RRP9: variants seen among roughly 807,000 people sequenced by gnomAD.
RRP9 encodes ribosomal RNA processing 9, U3 small nucleolar RNA binding protein, also known as U3 small nucleolar RNA-interacting protein 2.
RRP9 carries 35 observed loss-of-function variants against 65.5 expected under a neutral mutation model. The observed-to-expected ratio is 0.53, with a 90% confidence interval of 0.41 to 0.71. The LOEUF is 0.71. RRP9 is among the 30% of genes least tolerant of loss of function. RRP9 has a pLI of 0.00. For missense variants in RRP9, 533 were observed against 633.6 expected (o/e 0.84, Z 1.70); for synonymous variants, 254 against 245.0 (o/e 1.04, Z -0.34).
At chr3:51,941,553 G>GC (rs5848937) in intron 1 of RRP9, 62 bp from the exon 2 acceptor site, 36,584 of 1,266,952 alleles carry the variant, frequency 0.029, 343 homozygotes, top group African/African-American at 0.11. Flanking sequence ...TTGACCAAGG[G>GC]CCCCCCCCCC....
In RRP9 at chr3:51,938,122, G is replaced by A. The variant is rs1699479489; in HGVS notation, c.253C>T (p.Leu85Phe). ...TGCTGACGGAGCTGCTCTAGGTAGA[G>A]CTTGGCCAAGCGCAGCTTCTTTTCC... ...AQEKKLRLAKLYLEQLRQQEE... is the reference protein window; with the variant it reads ...AQEKKLRLAKFYLEQLRQQEE... The change falls in exon 3 of 15, where the codon CTC becomes TTC. Residue 85 changes from leucine (L) to phenylalanine (F), a missense_variant. By Grantham distance (22) the Leu-to-Phe change is conservative. Around this residue, in one of 3 missense-constraint regions of RRP9, gnomAD observed 449 missense variants for 550.6 expected, o/e 0.82. Transcript: ENST00000232888. 4.4e-6 allele frequency: 7 copies of A among 1,608,876 alleles called. No homozygotes were observed. The highest frequency in any genetic ancestry group is 5.9e-6 in the Non-Finnish European group (7 of 1,179,432).
rs1440148307 is a variant in RRP9, at chr3:51,934,465, C to T, written c.1260+7G>A. 6.8e-6 allele frequency: 11 copies of T among 1,611,492 alleles called. No homozygotes were observed. Among genetic ancestry groups the T allele is most frequent in the Non-Finnish European group, 8.5e-6 (10 of 1,178,584 alleles). On this transcript the variant is annotated splice_region_variant and intron_variant, in intron 13 of 14. Transcript: ENST00000232888. The surrounding 1 kb of genome is among the most constrained non-coding windows in gnomAD (Gnocchi z 4.1). The stretch of plus-strand genomic sequence containing the variant: ...GACAGGCTGAGCATTCAAGCACACT[C>T]ACTCACCAGGGGGATGTCACAGAGA...
rs1699427053 is a variant in RRP9 at position 51,934,385 on chromosome 3, G to A, written c.1260+87C>T. On this transcript the variant is annotated intron_variant, in intron 13 of 14. Transcript: ENST00000232888. The surrounding 1 kb of genome is among the most constrained non-coding windows in gnomAD (Gnocchi z 4.1). ...CCCTGCCCTGAGAAGGTTCCCTTCT[G>A]GCAGGAAGAAAGACCTTAAAGAGCT... The A allele has an allele frequency of 1.4e-6, 2 of 1,389,150 alleles. No individual in the cohort carries two copies. Among genetic ancestry groups the A allele is most frequent in the Non-Finnish European group, 9.8e-7 (1 of 1,015,666 alleles). The allele number at this position is 1,389,150 out of a possible 1,614,324, so 86.1% of individuals were successfully genotyped here. A position where few individuals can be genotyped will look rare whatever the true frequency, so the allele number is the denominator to read the frequency against.
chr3:51,940,566 T>G (rs1699510034), intron 2 of RRP9, among the ~76,000 whole-genome samples: 1 of 152,112 alleles, frequency 6.6e-6, no homozygotes, highest in Non-Finnish European at 1.5e-5. Context: ...TCACCCAGAC[T>G]GGAGAGCAGT....
At chr3:51,938,286 T>G in intron 2 of RRP9, 82 bp from the exon 3 acceptor site, 1 of 1,044,074 alleles carries the variant, frequency 9.6e-7, no homozygotes, top group Non-Finnish European at 1.4e-6. Context: ...ATGCTCACCT[T>G]GCCATCCAAC....
chr3:51,940,380 C>G (rs1180122643), intron 2 of RRP9, among the ~76,000 whole-genome samples: 2 of 152,144 alleles, frequency 1.3e-5, no homozygotes, highest in Non-Finnish European at 2.9e-5. Context: ...CCAAGAGCCT[C>G]CAACCCACAG....
In RRP9 at chr3:51,937,362, G is replaced by A; in HGVS notation, c.391-44C>T. 1.2e-6 allele frequency: 2 copies of A among 1,613,004 alleles called. No individual in the cohort carries two copies. Among genetic ancestry groups the A allele is most frequent in the Non-Finnish European group, 1.7e-6 (2 of 1,179,590 alleles). On this transcript the variant is annotated intron_variant, in intron 5 of 14. Coordinates refer to ENST00000232888, the MANE Select transcript of RRP9 (RefSeq NM_004704.5). This position sits in a 1 kb window ranked among gnomAD's most constrained non-coding sequence, Gnocchi z 5.0. ...GGTCACTGTGGCTAGTGGCATAAAGGCACTACCTTCACCAACCCCACTGCG... is the reference window on the plus strand; with the variant it reads ...GGTCACTGTGGCTAGTGGCATAAAGACACTACCTTCACCAACCCCACTGCG...
chr3:51,937,829 T>C lies in RRP9; in HGVS notation c.281-93A>G. 1.4e-6 allele frequency: 2 copies of C among 1,461,978 alleles called. No individual in the cohort carries two copies. Among genetic ancestry groups the C allele is most frequent in the Admixed American group, 3.7e-5 (2 of 54,596 alleles). 90.6% of individuals were successfully genotyped at this position (1,461,978 alleles called of 1,614,324 possible). On this transcript the variant is annotated intron_variant, in intron 3 of 14. Coordinates refer to ENST00000232888, the MANE Select transcript of RRP9 (RefSeq NM_004704.5). The surrounding 1 kb of genome is among the most constrained non-coding windows in gnomAD (Gnocchi z 5.0). ...ATCCCACTGCCCCAGGGCTGGATAA[T>C]GCAGGAAGCTCCAGCTGCCTCAGCA...
In RRP9 at chr3:51,937,158, T is replaced by A. The variant is rs776487660; in HGVS notation, c.517+34A>T. 1 of 1,609,292 alleles carries A rather than the reference T, an allele frequency of 6.2e-7. No individual in the cohort carries two copies. The highest frequency in any genetic ancestry group is 8.5e-7 in the Non-Finnish European group (1 of 1,177,642). ...CTGACCAGCCCTCCCGGATCCGCCA[T>A]GGGGGCTCCAGCCCCACCCAGGCAC... On this transcript the variant is annotated intron_variant, in intron 6 of 14. Coordinates refer to ENST00000232888, the MANE Select transcript of RRP9 (RefSeq NM_004704.5). The surrounding 1 kb of genome is among the most constrained non-coding windows in gnomAD (Gnocchi z 5.0).
At position 51,937,496 on chromosome 3, in the gene RRP9, G is replaced by A; in HGVS notation, c.390+49C>T. 1 of 1,613,260 alleles carries A rather than the reference G, an allele frequency of 6.2e-7. No individual in the cohort carries two copies. The highest frequency in any genetic ancestry group is 8.5e-7 in the Non-Finnish European group (1 of 1,179,288). On this transcript the variant is annotated intron_variant, in intron 5 of 14. Coordinates refer to ENST00000232888, the MANE Select transcript of RRP9 (RefSeq NM_004704.5). The surrounding 1 kb of genome is among the most constrained non-coding windows in gnomAD (Gnocchi z 5.0). ...CCAAGTGTCCACCATGTTCCAAGTGGGGCCCCCAATTCCCTCCAACCTTAT... is the reference window on the plus strand; with the variant it reads ...CCAAGTGTCCACCATGTTCCAAGTGAGGCCCCCAATTCCCTCCAACCTTAT...
Position 51,933,521 on chromosome 3 carries a change from T to TG in RRP9, c.1412dup (p.Ala472SerfsTer25). ...GATAAGAGTGTCAGGAACCAGCAGC[T>TG]GGGGGTACAGGGACCCTGCGGAGTG... On this transcript the variant is annotated frameshift_variant, in exon 15 of 15. Transcript: ENST00000232888. LOFTEE classifies it high-confidence loss of function. 6.2e-7 allele frequency: 1 copy of TG among 1,613,814 alleles called. No homozygotes were observed. Among genetic ancestry groups the TG allele is most frequent in the Non-Finnish European group, 8.5e-7 (1 of 1,179,828 alleles).
In RRP9 at chr3:51,938,141, C is replaced by A; in HGVS notation, c.234G>T (p.Lys78Asn). 2 of 1,607,948 alleles carry A rather than the reference C, an allele frequency of 1.2e-6. No homozygotes were observed. Among genetic ancestry groups the A allele is most frequent in the Non-Finnish European group, 1.7e-6 (2 of 1,178,842 alleles). The change falls in exon 3 of 15, where the codon AAG becomes AAT. Residue 78 changes from lysine (K) to asparagine (N), a missense_variant. Physicochemically the swap from Lys to Asn is moderately conservative, Grantham distance 94 (BLOSUM62 0). Coordinates refer to ENST00000232888, the MANE Select transcript of RRP9 (RefSeq NM_004704.5). ...GGTAGAGCTTGGCCAAGCGCAGCTT[C>A]TTTTCCTGTGCAGTTTCCTCCAGCT... The part of the protein sequence containing the change: ...EEELEETAQE[K>N]KLRLAKLYLE...
intron 14 of RRP9, 40 bp downstream of exon 14, chr3:51,933,668 C>T: frequency 3.1e-6 from 5 of 1,612,428 alleles, no homozygotes; most frequent in Non-Finnish European, 4.2e-6. Flanking sequence ...AGCTGTCCAG[C>T]CTGCACCACC....
chr3:51,941,563 C>CA, intron 1 of RRP9, 72 bp from the exon 2 acceptor site: 1 of 1,395,676 alleles, frequency 7.2e-7, no homozygotes, highest in Non-Finnish European at 1.0e-6. Context: ...GCCCCCCCCC[C>CA]TCGGTTCCCT....
At chr3:51,935,315 C>G (rs199618048) in intron 10 of RRP9, 27 bp downstream of exon 10, 46 of 1,614,176 alleles carry the variant, frequency 2.8e-5, no homozygotes, top group Non-Finnish European at 3.6e-5. Context: ...CCCATGTAGC[C>G]CCCACTGGCA....
chr3:51,937,966 G>A lies in RRP9; in HGVS notation c.280+129C>T. 1.0e-6 allele frequency: 1 copy of A among 966,280 alleles called. No individual in the cohort carries two copies. Among genetic ancestry groups the A allele is most frequent in the Non-Finnish European group, 1.5e-6 (1 of 647,140 alleles). 59.9% of individuals were successfully genotyped at this position (966,280 alleles called of 1,614,324 possible). On this transcript the variant is annotated intron_variant, in intron 3 of 14. Coordinates refer to ENST00000232888, the MANE Select transcript of RRP9 (RefSeq NM_004704.5). The surrounding 1 kb of genome is among the most constrained non-coding windows in gnomAD (Gnocchi z 5.0). ...TCTGGCCACCCCCACAGGGCAGCCAGCACTGACAGCCTGGGCACCCACTGG... is the reference window on the plus strand; with the variant it reads ...TCTGGCCACCCCCACAGGGCAGCCAACACTGACAGCCTGGGCACCCACTGG...
chr3:51,935,853 GT>G lies in RRP9; in HGVS notation c.736-162del, dbSNP rs1331358540. Among the ~76,000 whole-genome samples, 30 of 152,186 alleles carry G rather than the reference GT, an allele frequency of 2.0e-4. 2 individuals are homozygous for G. Among genetic ancestry groups the G allele is most frequent in the Non-Finnish European group, 4.4e-5 (3 of 68,030 alleles). On this transcript the variant is annotated intron_variant, in intron 8 of 14. Coordinates refer to ENST00000232888, the MANE Select transcript of RRP9 (RefSeq NM_004704.5). ...CATCTGCCCCTGAGCAGATGCAGAC[GT>G]CTTTTTTATTTATTTATTTTTTTTA... is the stretch of plus-strand genomic sequence containing the variant.
chr3:51,937,655 C>A lies in RRP9; in HGVS notation c.348+14G>T, dbSNP rs1312651396. 1 of 1,614,214 alleles carries A rather than the reference C, an allele frequency of 6.2e-7. No individual in the cohort carries two copies. Among genetic ancestry groups the A allele is most frequent in the African/African-American group, 1.3e-5 (1 of 75,046 alleles). ...TCCACCCCCGTCCTCCCCCAACTCT[C>A]CCTCCACACTTACCACATCCTCCTT... On this transcript the variant is annotated intron_variant, in intron 4 of 14. Coordinates refer to ENST00000232888, the MANE Select transcript of RRP9 (RefSeq NM_004704.5). The surrounding 1 kb of genome is among the most constrained non-coding windows in gnomAD (Gnocchi z 5.0).
chr3:51,936,222 A>G, intron 8 of RRP9, 35 bp downstream of exon 8: 1 of 1,587,992 alleles, frequency 6.3e-7, no homozygotes, highest in Non-Finnish European at 8.6e-7. Flanking sequence ...GCATGTGCCC[A>G]CTAAAGATCC....
Sources: allele counts gnomAD v4.1 joint callset (sites outside exome capture counted in the v4.1 genomes callset), GRCh38; gene constraint gnomAD v4.1.1; regional missense constraint gnomAD v4.1.1; non-coding constraint Gnocchi (gnomAD v3.1); transcripts MANE v1.5; gene names NCBI Gene and HGNC (gene_info 2026-07-23, HGNC 2026-07-21).